The following CYRIB variants were observed in gnomAD, a reference collection of about 807,000 sequenced individuals.
CYRIB encodes the protein CYFIP-related Rac1 interactor B.
In CYRIB, 8 loss-of-function variants were observed where a neutral mutation model predicts 44.2. The ratio of observed to expected loss-of-function variants is 0.18; its 90% confidence interval spans 0.11 to 0.33. CYRIB has a LOEUF of 0.33. CYRIB is among the 10% of genes least tolerant of loss of function. The probability of loss-of-function intolerance (pLI) is 1.00; values close to 1 mark genes in which losing one functional copy is unlikely to be tolerated. For synonymous variants in CYRIB, 131 were observed against 127.2 expected, an observed-to-expected ratio of 1.03 and a Z score of -0.20; for missense variants, 185 against 382.8, an observed-to-expected ratio of 0.48 and a Z score of 4.31.
At chr8:129,979,654 G>A (rs2096124309) in intron 1 of CYRIB, among the ~76,000 whole-genome samples, 1 of 152,156 alleles carries the variant, frequency 6.6e-6, no homozygotes, top group Admixed American at 6.6e-5. Flanking sequence ...GGTGGCTCAA[G>A]CCTGTAATCC....
At chr8:129,967,392 T>C (rs999584741) in intron 2 of CYRIB, among the ~76,000 whole-genome samples, 2 of 151,658 alleles carry the variant, frequency 1.3e-5, no homozygotes, top group Non-Finnish European at 2.9e-5. Context: ...TTTTTGTTTT[T>C]TTTTTGAGAT....
intron 2 of CYRIB, among the ~76,000 whole-genome samples, chr8:129,952,578 C>T (rs558991647): frequency 1.7e-4 from 26 of 151,960 alleles, no homozygotes; most frequent in Admixed American, 1.4e-3. Context: ...TTTTCTTTAA[C>T]GTTTTGAACC....
chr8:129,943,036 TTTCACTCAATCATTGA>T (rs1349941290), upstream of CYRIB, among the ~76,000 whole-genome samples: 25 of 152,110 alleles, frequency 1.6e-4, no homozygotes, highest in Middle Eastern at 3.4e-3. Flanking sequence ...GAATAAATGG[TTTCACTCAATCATTGA>T]TTCACTCAAT....
At chr8:129,959,521 T>A (rs886639271) in intron 2 of CYRIB, among the ~76,000 whole-genome samples, 1 of 152,090 alleles carries the variant, frequency 6.6e-6, no homozygotes, top group African/African-American at 2.4e-5. Context: ...ACGCCTGTAA[T>A]CCCAGCACTT....
Position 129,932,101 on chromosome 8 carries a change from C to T in CYRIB, c.-50+7507G>A, listed in dbSNP as rs746568853. ...GCAACCTCCACCTCCCAGGTTCAAG[C>T]GATTCTCCTGCCTCAGCCTCCTGAG... is the stretch of plus-strand genomic sequence containing the variant. On this transcript the variant is annotated intron_variant, in intron 1 of 11. Transcript: ENST00000519824. Among the ~76,000 whole-genome samples, 65 of 149,006 alleles carry T rather than the reference C, an allele frequency of 4.4e-4. 1 individual carries two copies. The highest frequency in any genetic ancestry group is 7.4e-5 in the Non-Finnish European group (5 of 67,322).
At chr8:129,913,429 T>C (rs1484889313) in intron 1 of CYRIB, among the ~76,000 whole-genome samples, 2 of 152,228 alleles carry the variant, frequency 1.3e-5, no homozygotes, top group East Asian at 1.9e-4. Context: ...TTAAAATACA[T>C]ACACGTGCAT....
chr8:129,867,806 T>G (rs954240354), intron 4 of CYRIB, among the ~76,000 whole-genome samples: 1 of 152,188 alleles, frequency 6.6e-6, no homozygotes. Flanking sequence ...CATTGACATT[T>G]CCTCTTAAAC....
At chr8:129,978,812 T>A (rs1395916892) in intron 1 of CYRIB, among the ~76,000 whole-genome samples, 1 of 152,200 alleles carries the variant, frequency 6.6e-6, no homozygotes, top group Non-Finnish European at 1.5e-5. Context: ...CACACGTGCA[T>A]GCACACGAAC....
intron 1 of CYRIB, among the ~76,000 whole-genome samples, chr8:129,917,555 A>C (rs2081360759): frequency 6.6e-6 from 1 of 152,144 alleles, no homozygotes; most frequent in Non-Finnish European, 1.5e-5. Flanking sequence ...AAAAATTTCC[A>C]AGATTTCTCT....
intron 11 of CYRIB, 50 bp from the exon 14 acceptor site, chr8:129,842,255 C>T (rs749324240): frequency 6.1e-6 from 8 of 1,308,716 alleles, no homozygotes; most frequent in South Asian, 3.7e-5. Flanking sequence ...AAAAAATAAT[C>T]AGCATCGGGT....
At chr8:129,944,912 T>A (rs922067195) in intron 2 of CYRIB, among the ~76,000 whole-genome samples, 1 of 152,258 alleles carries the variant, frequency 6.6e-6, no homozygotes, top group Non-Finnish European at 1.5e-5. Context: ...TTTTAATGAC[T>A]ACAGAGTATT....
chr8:129,958,910 C>T (rs1336900400), intron 2 of CYRIB, among the ~76,000 whole-genome samples: 3 of 151,318 alleles, frequency 2.0e-5, no homozygotes, highest in Admixed American at 6.6e-5. Context: ...ACTAAAGATA[C>T]AAAAATTAGC....
At chr8:129,842,169 G>T (rs1205177887) in exon 12 of CYRIB, 1 of 1,612,438 alleles carries the variant, frequency 6.2e-7, no homozygotes. Flanking sequence ...TAATTTGCTT[G>T]GAGGTAGTCT....
rs746088997 is a variant in CYRIB, at chr8:129,842,236, T to C, written c.912-31A>G. On this transcript the variant is annotated intron_variant, in intron 11 of 11. Coordinates refer to ENST00000519824, the Ensembl canonical transcript of CYRIB. ...AAAAGAAAAGAAAAAAGATCAATTT[T>C]AGGAACTTAAAAAATAATCAGCATC... The C allele has an allele frequency of 4.0e-6, 6 of 1,511,402 alleles. No homozygotes were observed. The South Asian group carries it at 6.8e-5, about 17-fold the overall frequency. 93.6% of individuals were successfully genotyped at this position (1,511,402 alleles called of 1,614,324 possible). A position where few individuals can be genotyped will look rare whatever the true frequency, so the allele number is the denominator to read the frequency against.
At chr8:129,976,803 T>A (rs1001050212) in intron 1 of CYRIB, among the ~76,000 whole-genome samples, 7 of 152,108 alleles carry the variant, frequency 4.6e-5, no homozygotes, top group African/African-American at 1.7e-4. Context: ...AGAGTTTTTG[T>A]GTGTGTGTTT....
chr8:129,929,542 A>G (rs1404130439), intron 1 of CYRIB, among the ~76,000 whole-genome samples: 2 of 152,220 alleles, frequency 1.3e-5, no homozygotes, highest in African/African-American at 4.8e-5. Context: ...ATTGTTTTTA[A>G]AAAGATGGTG....
intron 1 of CYRIB, among the ~76,000 whole-genome samples, chr8:130,003,905 A>G (rs1024721533): frequency 6.6e-6 from 1 of 152,112 alleles, no homozygotes; most frequent in Non-Finnish European, 1.5e-5. Context: ...TTTCAGATCA[A>G]CTCCTGGATG....
chr8:129,883,112 CAAAAAAAAAAAAAAA>C (rs34764499), intron 2 of CYRIB, among the ~76,000 whole-genome samples: 4 of 41,242 alleles, frequency 9.7e-5, no homozygotes, highest in African/African-American at 1.9e-4. Context: ...GACTCCCTCT[CAAAAAAAAAAAAAAA>C]AAAAAAAAAA....
intron 2 of CYRIB, chr8:129,949,263 C>T (rs2094368529): frequency 6.6e-6 from 1 of 152,160 alleles, no homozygotes; most frequent in African/African-American, 2.4e-5. Context: ...ACTATTACCA[C>T]CAATATCTCT....
Sources: allele counts gnomAD v4.1 joint callset (sites outside exome capture counted in the v4.1 genomes callset), GRCh38; gene constraint gnomAD v4.1.1; transcripts MANE v1.5; gene names NCBI Gene and HGNC (gene_info 2026-07-23, HGNC 2026-07-21).